CCDC178: variants seen among roughly 807,000 people sequenced by gnomAD.
CCDC178 encodes the protein coiled-coil domain containing 178.
Under a neutral mutation model 117.4 loss-of-function variants are expected in CCDC178, and 126 were observed. The observed-to-expected ratio is 1.07, with a 90% CI of 0.93 to 1.24. The LOEUF is 1.24. CCDC178 is among the 50% of genes most tolerant of loss of function. CCDC178 has a pLI of 0.00. For missense variants in CCDC178, 1,030 were observed against 986.9 expected, an observed-to-expected ratio of 1.04 and a Z score of -0.59; for synonymous variants, 283 against 313.4, an observed-to-expected ratio of 0.90 and a Z score of 1.02.
chr18:32,981,594 T>C (rs1174539466), intron 21 of CCDC178, among the ~76,000 whole-genome samples: 1 of 152,236 alleles, frequency 6.6e-6, no homozygotes, highest in Non-Finnish European at 1.5e-5. Context: ...CCTCCACATT[T>C]TGTGGCTTAG....
chr18:33,269,655 C>T (rs1351298543), intron 12 of CCDC178, among the ~76,000 whole-genome samples: 1 of 151,762 alleles, frequency 6.6e-6, no homozygotes, highest in Non-Finnish European at 1.5e-5. Context: ...ACTTCATGGG[C>T]TGCACATGAG....
chr18:33,195,588 C>T (rs2058921001), intron 20 of CCDC178, among the ~76,000 whole-genome samples: 1 of 152,094 alleles, frequency 6.6e-6, no homozygotes, highest in Non-Finnish European at 1.5e-5. Context: ...ATCAGTCTTA[C>T]CATTCAGATG....
intron 15 of CCDC178, among the ~76,000 whole-genome samples, chr18:33,240,182 T>C (rs1045594491): frequency 6.6e-6 from 1 of 151,618 alleles, no homozygotes; most frequent in Non-Finnish European, 1.5e-5. Flanking sequence ...AAAAATTCAC[T>C]GAAACAAATA....
chr18:33,393,678 A>C (rs2063592851), intron 4 of CCDC178, among the ~76,000 whole-genome samples: 1 of 152,068 alleles, frequency 6.6e-6, no homozygotes. Context: ...ATTCTTTTTC[A>C]CTGGTCCACA....
At chr18:33,358,657 A>C (rs144488444) in intron 6 of CCDC178, among the ~76,000 whole-genome samples, 1 of 152,066 alleles carries the variant, frequency 6.6e-6, no homozygotes, top group East Asian at 1.9e-4. Flanking sequence ...GCAAATCTCC[A>C]AAGAAAAATT....
Position 33,267,054 on chromosome 18 carries a change from T to C in CCDC178, c.1273-2A>G. ...AAGCTCAATATCCCATGTTTTTTTC[T>C]TTAAGAAAAGAATAAAAGAATCATT... On this transcript the variant is annotated splice_acceptor_variant, in intron 13 of 22. Transcript: ENST00000383096. LOFTEE classifies it high-confidence loss of function. 6.3e-7 allele frequency: 1 copy of C among 1,577,810 alleles called. No homozygotes were observed. Among genetic ancestry groups the C allele is most frequent in the African/African-American group, 1.4e-5 (1 of 72,646 alleles).
intron 12 of CCDC178, among the ~76,000 whole-genome samples, chr18:33,280,298 G>GA (rs2060006378): frequency 6.6e-6 from 1 of 152,114 alleles, no homozygotes; most frequent in African/African-American, 2.4e-5. Context: ...TGAAGGATAT[G>GA]AACAGACACT....
chr18:33,406,307 G>T (rs1000193396), intron 3 of CCDC178, among the ~76,000 whole-genome samples: 3 of 152,144 alleles, frequency 2.0e-5, no homozygotes, highest in African/African-American at 7.2e-5. Context: ...TTTAATTTAA[G>T]TGATGGGCAG....
chr18:33,156,660 A>AG (rs1260696641), intron 20 of CCDC178, among the ~76,000 whole-genome samples: 2 of 151,160 alleles, frequency 1.3e-5, no homozygotes, highest in Non-Finnish European at 1.5e-5. Context: ...AAAAAAAAAA[A>AG]AGAGAAAATA....
At chr18:32,957,466 T>C (rs1002043692) in intron 22 of CCDC178, among the ~76,000 whole-genome samples, 2 of 152,142 alleles carry the variant, frequency 1.3e-5, no homozygotes, top group African/African-American at 2.4e-5. Flanking sequence ...GTAACATCTA[T>C]AGGCATTTGT....
chr18:33,011,511 G>A (rs982258003), intron 21 of CCDC178, among the ~76,000 whole-genome samples: 28 of 151,866 alleles, frequency 1.8e-4, no homozygotes, highest in Admixed American at 2.6e-4. Flanking sequence ...ATGGGGAGCC[G>A]AGTAATGAGC....
intron 20 of CCDC178, among the ~76,000 whole-genome samples, chr18:33,144,835 G>A (rs914876279): frequency 4.6e-5 from 7 of 152,082 alleles, no homozygotes; most frequent in African/African-American, 1.7e-4. Flanking sequence ...CTCAACAAAC[G>A]AGCAGTATTT....
At chr18:33,406,388 T>C (rs1232701306) in intron 3 of CCDC178, among the ~76,000 whole-genome samples, 2 of 151,994 alleles carry the variant, frequency 1.3e-5, no homozygotes, top group Non-Finnish European at 2.9e-5. Flanking sequence ...CATAGAATTC[T>C]GATCAAAGAA....
intron 20 of CCDC178, among the ~76,000 whole-genome samples, chr18:33,123,773 G>T (rs999460154): frequency 6.6e-6 from 1 of 152,064 alleles, no homozygotes; most frequent in African/African-American, 2.4e-5. Context: ...GGAGCTAAGG[G>T]AATATATTAT....
chr18:33,425,078 T>C (rs2064101333), intron 2 of CCDC178, among the ~76,000 whole-genome samples: 1 of 152,156 alleles, frequency 6.6e-6, no homozygotes, highest in Non-Finnish European at 1.5e-5. Context: ...ACCTGTAAGT[T>C]CTGTACATGT....
chr18:32,969,522 A>G (rs1454512854), intron 22 of CCDC178, among the ~76,000 whole-genome samples: 2 of 152,032 alleles, frequency 1.3e-5, no homozygotes, highest in Non-Finnish European at 2.9e-5. Context: ...AGCTCAACAA[A>G]CTATATATAC....
intron 20 of CCDC178, among the ~76,000 whole-genome samples, chr18:33,121,103 C>T (rs1195104151): frequency 6.6e-6 from 1 of 152,030 alleles, no homozygotes; most frequent in Non-Finnish European, 1.5e-5. Flanking sequence ...CTAGGTGTTG[C>T]TATGAGGGGA....
intron 20 of CCDC178, among the ~76,000 whole-genome samples, chr18:33,168,000 G>A (rs990596497): frequency 6.6e-6 from 1 of 152,106 alleles, no homozygotes; most frequent in Non-Finnish European, 1.5e-5. Context: ...TTTGTTGGAT[G>A]TATAGTTTGC....
intron 14 of CCDC178, among the ~76,000 whole-genome samples, chr18:33,253,161 A>C (rs1173984992): frequency 6.6e-6 from 1 of 151,834 alleles, no homozygotes; most frequent in African/African-American, 2.4e-5. Flanking sequence ...CTGCAAGGTA[A>C]ACAATCATAT....
Sources: allele counts gnomAD v4.1 joint callset (sites outside exome capture counted in the v4.1 genomes callset), GRCh38; gene constraint gnomAD v4.1.1; transcripts MANE v1.5; gene names NCBI Gene and HGNC (gene_info 2026-07-23, HGNC 2026-07-21).